ADK: variants seen among roughly 807,000 people sequenced by gnomAD.
ADK encodes N6,N6-dimethyladenosine kinase.
ADK carries 24 observed loss-of-function variants against 44.7 expected under a neutral mutation model. The ratio of observed to expected loss-of-function variants is 0.54; its 90% CI spans 0.39 to 0.76. The LOEUF (loss-of-function observed/expected upper bound fraction) is 0.76, where lower values mean the gene tolerates loss of function less well. ADK is among the 30% of genes least tolerant of loss of function. The probability of loss-of-function intolerance (pLI) is 0.00; values close to 1 mark genes in which losing one functional copy is unlikely to be tolerated. For synonymous variants in ADK, 128 were observed against 142.6 expected (o/e 0.90, Z 0.73); for missense variants, 321 against 425.1 (o/e 0.76, Z 2.15).
intron 3 of ADK, among the ~76,000 whole-genome samples, chr10:74,267,790 G>GTGTGTGTGTGTCTGTC (rs35081179): frequency 3.3e-4 from 48 of 145,702 alleles, no homozygotes; most frequent in African/African-American, 1.2e-3. Context: ...GTGTGTGTGT[G>GTGTGTGTGTGTCTGTC]TGTCTGTCTG....
intron 9 of ADK, among the ~76,000 whole-genome samples, chr10:74,667,460 ATCTC>A (rs1023974761): frequency 6.6e-6 from 1 of 151,572 alleles, no homozygotes; most frequent in African/African-American, 2.4e-5. Context: ...ATATATATAT[ATCTC>A]CAGAAAAAAT....
intron 6 of ADK, among the ~76,000 whole-genome samples, chr10:74,490,570 A>G (rs1345277995): frequency 6.6e-6 from 1 of 152,136 alleles, no homozygotes; most frequent in Non-Finnish European, 1.5e-5. Flanking sequence ...ATTAAGCTTT[A>G]CTAGTTATGG....
chr10:74,310,302 T>C lies in ADK; in HGVS notation c.195-4365T>C, dbSNP rs1450039249. On this transcript the variant is annotated intron_variant, in intron 3 of 10. Transcript: ENST00000539909. ...TGTAATAATATCATAAACTCTTTCA[T>C]CCTTAAACACCTGTTAGTCTTGCCA... 1.3e-5 allele frequency among the ~76,000 whole-genome samples: 2 copies of C among 152,180 alleles called. 1 individual carries two copies. The highest frequency in any genetic ancestry group is 1.3e-4 in the Admixed American group (2 of 15,268).
chr10:74,393,273 CTT>C (rs1843399344), intron 4 of ADK, among the ~76,000 whole-genome samples: 1 of 152,068 alleles, frequency 6.6e-6, no homozygotes, highest in African/African-American at 2.4e-5. Flanking sequence ...ACCTGTAAGT[CTT>C]TGAAACTAAA....
intron 7 of ADK, among the ~76,000 whole-genome samples, chr10:74,563,771 A>G (rs1263497563): frequency 6.6e-6 from 1 of 152,238 alleles, no homozygotes; most frequent in Non-Finnish European, 1.5e-5. Context: ...CCACTGTGTT[A>G]GTGGATACTG....
intron 6 of ADK, among the ~76,000 whole-genome samples, chr10:74,435,352 G>C (rs550527514): frequency 2.0e-5 from 3 of 152,228 alleles, no homozygotes; most frequent in South Asian, 2.1e-4. Context: ...GGTGACATAT[G>C]GTTGGTATAA....
chr10:74,676,963 G>C (rs1375416568), intron 10 of ADK, among the ~76,000 whole-genome samples: 1 of 152,106 alleles, frequency 6.6e-6, no homozygotes, highest in African/African-American at 2.4e-5. Context: ...ACATTCTCTA[G>C]GCTGGGAGCA....
At chr10:74,440,994 A>G (rs1166240822) in intron 6 of ADK, among the ~76,000 whole-genome samples, 1 of 152,208 alleles carries the variant, frequency 6.6e-6, no homozygotes, top group Non-Finnish European at 1.5e-5. Flanking sequence ...AATATAAACA[A>G]GAGTGATGAG....
rs151049015 is a variant in ADK, at chr10:74,393,844, C to G, written c.274-297C>G. On this transcript the variant is annotated intron_variant, in intron 4 of 10. Transcript: ENST00000539909. ...CAATGCTAGACTTCTTATATTGGGA[C>G]CCACTATTATTTTCCTATATCAGGC... Among the ~76,000 whole-genome samples the G allele has an allele frequency of 6.4e-4, 97 of 152,168 alleles. 1 individual carries two copies. Among genetic ancestry groups the G allele is most frequent in the Non-Finnish European group, 1.3e-3 (89 of 67,974 alleles).
chr10:74,449,783 G>A (rs563141812), intron 6 of ADK, among the ~76,000 whole-genome samples: 8 of 152,124 alleles, frequency 5.3e-5, no homozygotes, highest in Admixed American at 2.6e-4. Flanking sequence ...TGATGATCTC[G>A]AGAATACTAG....
intron 6 of ADK, among the ~76,000 whole-genome samples, chr10:74,510,493 T>G (rs1848263096): frequency 6.6e-6 from 1 of 152,214 alleles, no homozygotes; most frequent in Non-Finnish European, 1.5e-5. Context: ...TGCAAATATT[T>G]TTTCCCATTC....
chr10:74,285,346 C>A (rs1847121473), intron 3 of ADK, among the ~76,000 whole-genome samples: 1 of 152,078 alleles, frequency 6.6e-6, no homozygotes, highest in African/African-American at 2.4e-5. Context: ...TGTGAATAGT[C>A]TTTGTACAGA....
chr10:74,302,137 T>TTTTTTTTTTTTTTTTTTGTTTTTTTTG (rs1840078403), intron 3 of ADK, among the ~76,000 whole-genome samples: 1 of 103,822 alleles, frequency 9.6e-6, no homozygotes, highest in Non-Finnish European at 1.9e-5. Context: ...TTTTTTTTTT[T>TTTTTTTTTTTTTTTTTTGTTTTTTTTG]TTTTTTTTTG....
chr10:74,305,482 C>G (rs549031033), intron 3 of ADK, among the ~76,000 whole-genome samples: 1 of 152,212 alleles, frequency 6.6e-6, no homozygotes, highest in African/African-American at 2.4e-5. Flanking sequence ...CCCTTACCCC[C>G]ACAGCTTCAC....
chr10:74,188,835 C>G (rs762918865), intron 1 of ADK, among the ~76,000 whole-genome samples: 1 of 152,058 alleles, frequency 6.6e-6, no homozygotes, highest in Non-Finnish European at 1.5e-5. Context: ...TGCAGTGGTA[C>G]GATCTTCGTT....
At chr10:74,660,516 TTA>T (rs1854670261) in intron 9 of ADK, among the ~76,000 whole-genome samples, 1 of 151,154 alleles carries the variant, frequency 6.6e-6, no homozygotes, top group African/African-American at 2.4e-5. Context: ...GTTGGGAGGA[TTA>T]CTTGAGCCTA....
At chr10:74,496,869 C>CTATTATTTTA (rs1423793240) in intron 6 of ADK, among the ~76,000 whole-genome samples, 42 of 152,266 alleles carry the variant, frequency 2.8e-4, no homozygotes, top group African/African-American at 1.0e-3. Context: ...TTTATTTAAC[C>CTATTATTTTA]TTTTACTGTG....
intron 9 of ADK, among the ~76,000 whole-genome samples, chr10:74,656,354 G>A (rs1854489164): frequency 6.6e-6 from 1 of 152,154 alleles, no homozygotes; most frequent in African/African-American, 2.4e-5. Context: ...TGCTGCTGGG[G>A]ACTTGTCCAT....
intron 9 of ADK, among the ~76,000 whole-genome samples, chr10:74,613,353 T>C (rs16931536): frequency 0.045 from 6,862 of 152,202 alleles, 493 homozygotes; most frequent in African/African-American, 0.15. Context: ...TTCCGTAATC[T>C]GCTGGAAAAA....
Sources: allele counts gnomAD v4.1 joint callset (sites outside exome capture counted in the v4.1 genomes callset), GRCh38; gene constraint gnomAD v4.1.1; transcripts MANE v1.5; gene names NCBI Gene and HGNC (gene_info 2026-07-23, HGNC 2026-07-21).